ADGRA2: variants seen among roughly 807,000 people sequenced by gnomAD.
The protein encoded by ADGRA2 is G-protein coupled receptor 124.
Under a neutral mutation model 98.7 loss-of-function variants are expected in ADGRA2, and 61 were observed. That is an observed-to-expected ratio of 0.62 (90% CI 0.50 to 0.76). The LOEUF is 0.76. ADGRA2 is among the 30% of genes least tolerant of loss of function. ADGRA2 has a pLI of 0.00. For missense variants in ADGRA2, 1,712 were observed against 1,860.0 expected (o/e 0.92, Z 1.46); for synonymous variants, 858 against 831.5 (o/e 1.03, Z -0.55).
chr8:37,840,834 G>C lies in ADGRA2; in HGVS notation c.2732G>C (p.Arg911Pro), dbSNP rs751849563. Residue 911 changes from arginine to proline, a missense_variant, in exon 18 of 19, where the codon CGG (arginine) becomes CCG (proline). Coordinates refer to ENST00000412232, the MANE Select transcript of ADGRA2 (RefSeq NM_032777.10). ...GCTGCAGTCAACATCCACAACTACC[G>C]GGACCACAGCCCCTAGTGAGCACCC... ...ITAAVNIHNY[R>P]DHSPYCWLVW... The C allele has an allele frequency of 1.2e-6, 2 of 1,601,284 alleles. No individual in the cohort carries two copies. Among genetic ancestry groups the C allele is most frequent in the Non-Finnish European group, 1.7e-6 (2 of 1,169,560 alleles).
At chr8:37,831,021 C>G (rs1336550119) in intron 7 of ADGRA2, 98 bp downstream of exon 7, 3 of 817,250 alleles carry the variant, frequency 3.7e-6, no homozygotes, top group Non-Finnish European at 5.9e-6. Context: ...CAGATGTGTT[C>G]CCGGGAGACT....
At chr8:37,819,478 C>T (rs1247538792) in intron 2 of ADGRA2, among the ~76,000 whole-genome samples, 2 of 152,192 alleles carry the variant, frequency 1.3e-5, no homozygotes, top group South Asian at 2.1e-4. Flanking sequence ...AAGCGATTCT[C>T]CTGCCTCAGC....
Position 37,797,215 on chromosome 8 carries a change from G to A in ADGRA2, c.-54G>A. ...TCCTCCCGCACGCCTGGGTCCCTCCGGCCGGCGCGCAGCCCGGCCCCAGCG... is the reference window on the plus strand; with the variant it reads ...TCCTCCCGCACGCCTGGGTCCCTCCAGCCGGCGCGCAGCCCGGCCCCAGCG... On this transcript the variant is annotated 5_prime_UTR_variant, in exon 1 of 19. Transcript: ENST00000412232. The surrounding 1 kb of genome is among the most constrained non-coding windows in gnomAD (Gnocchi z 5.3). The A allele has an allele frequency of 8.4e-7, 1 of 1,193,538 alleles. No individual in the cohort carries two copies. Among genetic ancestry groups the A allele is most frequent in the South Asian group, 4.2e-5 (1 of 23,970 alleles). The allele number at this position is 1,193,538 out of a possible 1,614,324, so 73.9% of individuals were successfully genotyped here.
intron 1 of ADGRA2, among the ~76,000 whole-genome samples, chr8:37,810,766 T>C (rs1286890058): frequency 6.6e-6 from 1 of 152,146 alleles, no homozygotes; most frequent in African/African-American, 2.4e-5. Flanking sequence ...TCCAAAGCAC[T>C]GGGATTGCAG....
At chr8:37,819,771 A>G (rs1460492414) in intron 2 of ADGRA2, among the ~76,000 whole-genome samples, 1 of 152,146 alleles carries the variant, frequency 6.6e-6, no homozygotes, top group Non-Finnish European at 1.5e-5. Context: ...CCCAGGTTCA[A>G]GTGATTCTCC....
intron 1 of ADGRA2, among the ~76,000 whole-genome samples, chr8:37,804,100 G>GAGACACACACACACACACAC (rs1310425865): frequency 2.8e-5 from 3 of 107,100 alleles, no homozygotes; most frequent in African/African-American, 1.1e-4. Flanking sequence ...CCCACGGTGA[G>GAGACACACACACACACACAC]ACACACACAC....
intron 2 of ADGRA2, among the ~76,000 whole-genome samples, chr8:37,827,440 C>T (rs539706578): frequency 2.6e-4 from 39 of 152,350 alleles, no homozygotes; most frequent in Admixed American, 2.1e-3. Flanking sequence ...AGCACTGTCC[C>T]TGCAGCCCCA....
At chr8:37,798,071 CCTT>C (rs1804391358) in intron 1 of ADGRA2, among the ~76,000 whole-genome samples, 1 of 152,180 alleles carries the variant, frequency 6.6e-6, no homozygotes, top group Non-Finnish European at 1.5e-5. Context: ...CAGCCGGTCT[CCTT>C]AGGGCAAGGG....
At position 37,830,092 on chromosome 8, in the gene ADGRA2, C is replaced by T. The variant is rs1158052852; in HGVS notation, c.718+78C>T. 4.2e-6 allele frequency: 4 copies of T among 952,608 alleles called. No homozygotes were observed. Among genetic ancestry groups the T allele is most frequent in the African/African-American group, 3.3e-5 (2 of 60,530 alleles). 59.0% of individuals were successfully genotyped at this position (952,608 alleles called of 1,614,324 possible). On this transcript the variant is annotated intron_variant, in intron 6 of 18. Transcript: ENST00000412232. The surrounding 1 kb of genome is among the most constrained non-coding windows in gnomAD (Gnocchi z 4.8). The stretch of plus-strand genomic sequence containing the variant: ...ACCCAGGGCCCAGACACGAGCCTCC[C>T]CTCAGACCCACAGGTTTTTACCTTT...
At chr8:37,816,927 AACAC>A (rs3050620) in intron 2 of ADGRA2, among the ~76,000 whole-genome samples, 1,971 of 131,930 alleles carry the variant, frequency 0.015, 24 homozygotes, top group African/African-American at 0.034. Flanking sequence ...AAGAAAGCAA[AACAC>A]ACACACACAC....
intron 10 of ADGRA2, 29 bp downstream of exon 10, chr8:37,833,866 G>C (rs772130713): frequency 6.2e-7 from 1 of 1,611,576 alleles, no homozygotes; most frequent in Non-Finnish European, 8.5e-7. Flanking sequence ...TCAGGAGCTC[G>C]GAAAACGCCC....
intron 4 of ADGRA2, 49 bp from the exon 5 acceptor site, chr8:37,829,439 C>G (rs1181524395): frequency 6.4e-7 from 1 of 1,550,400 alleles, no homozygotes; most frequent in South Asian, 1.1e-5. Flanking sequence ...CCTCCGCCGG[C>G]CCATGGACAC....
Position 37,841,173 on chromosome 8 carries a change from C to T in ADGRA2, c.2835C>T (p.Cys945=), listed in dbSNP as rs200170236. 7 of 1,612,992 alleles carry T rather than the reference C, an allele frequency of 4.3e-6. No homozygotes were observed. The highest frequency in any genetic ancestry group is 1.7e-5 in the Admixed American group (1 of 60,016). ...TCATCACCTGGATCTATTTCCTGTG[C>T]GCCGGGCTACGCTTACGGGGTCCTC... ...ILLITWIYFL[C]AGLRLRGPLA... Residue 945 remains cysteine, a synonymous_variant, in exon 19 of 19, where the codon TGC becomes TGT. Coordinates refer to ENST00000412232, the MANE Select transcript of ADGRA2 (RefSeq NM_032777.10). The surrounding 1 kb of genome is among the most constrained non-coding windows in gnomAD (Gnocchi z 5.0).
intron 1 of ADGRA2, among the ~76,000 whole-genome samples, chr8:37,801,239 C>A (rs930846643): frequency 1.3e-5 from 2 of 152,236 alleles, no homozygotes; most frequent in African/African-American, 4.8e-5. Flanking sequence ...TTTTCATTCG[C>A]AGTTTTCCAG....
rs571489753 is a variant in ADGRA2, at chr8:37,834,297, C to A, written c.1608+169C>A. Among the ~76,000 whole-genome samples the A allele has an allele frequency of 6.6e-6, 1 of 152,172 alleles. No individual in the cohort carries two copies. The highest frequency in any genetic ancestry group is 1.5e-5 in the Non-Finnish European group (1 of 68,046). On this transcript the variant is annotated intron_variant, in intron 11 of 18. Transcript: ENST00000412232. This position sits in a 1 kb window ranked among gnomAD's most constrained non-coding sequence, Gnocchi z 4.2. ...AGGGGCAGTGCTAAGGAGAGGTGGC[C>A]GGTGACCCTGGAGAAGTGATGCCAG...
At chr8:37,799,744 A>G (rs1804444008) in intron 1 of ADGRA2, among the ~76,000 whole-genome samples, 1 of 152,126 alleles carries the variant, frequency 6.6e-6, no homozygotes, top group South Asian at 2.1e-4. Flanking sequence ...GATACCCTTT[A>G]AGGAGCAGCC....
intron 1 of ADGRA2, among the ~76,000 whole-genome samples, chr8:37,800,029 C>G (rs545292619): frequency 6.6e-6 from 1 of 152,316 alleles, no homozygotes; most frequent in Admixed American, 6.5e-5. Flanking sequence ...CCAGCACCCC[C>G]ACACCCACCC....
At chr8:37,816,661 T>C (rs941241445) in intron 2 of ADGRA2, among the ~76,000 whole-genome samples, 1 of 138,472 alleles carries the variant, frequency 7.2e-6, no homozygotes, top group African/African-American at 2.8e-5. Context: ...CTCGTGCCCA[T>C]AATCCCAGTA....
intron 2 of ADGRA2, among the ~76,000 whole-genome samples, chr8:37,823,636 GAAACT>G (rs1169746801): frequency 1.3e-5 from 2 of 152,172 alleles, no homozygotes; most frequent in Admixed American, 1.3e-4. Flanking sequence ...CCCGAACTGT[GAAACT>G]GTTTTCCAAA....
Sources: allele counts gnomAD v4.1 joint callset (sites outside exome capture counted in the v4.1 genomes callset), GRCh38; gene constraint gnomAD v4.1.1; non-coding constraint Gnocchi (gnomAD v3.1); transcripts MANE v1.5; gene names NCBI Gene and HGNC (gene_info 2026-07-23, HGNC 2026-07-21).